The following CASP4 variants were observed in gnomAD, a reference collection of about 807,000 sequenced individuals.
The protein encoded by CASP4 is caspase 4.
Under a neutral mutation model 41.3 loss-of-function variants are expected in CASP4, and 29 were observed. That is an observed-to-expected ratio of 0.70 (90% confidence interval 0.52 to 0.96). CASP4 has a LOEUF of 0.96. Ranked by LOEUF, CASP4 falls within the 40% of genes least tolerant of loss-of-function variation. The pLI is 0.00. For missense variants in CASP4, 447 were observed against 460.6 expected (o/e 0.97, Z 0.27); for synonymous variants, 185 against 158.4 (o/e 1.17, Z -1.26).
rs5794358 is a variant in CASP4, at chr11:104,948,815, G to GAA, written c.782-140_782-139insTT. 3.7e-4 allele frequency: 191 copies of GAA among 514,136 alleles called. 13 individuals are homozygous for GAA. Among genetic ancestry groups the GAA allele is most frequent in the East Asian group, 6.7e-4 (22 of 32,968 alleles). The allele number at this position is 514,136 out of a possible 1,614,324, so 31.8% of individuals were successfully genotyped here. The stretch of plus-strand genomic sequence containing the variant: ...CCACACACATACAAACACACACAGA[G>GAA]AGAGACACACACACACACACACCAC... On this transcript the variant is annotated intron_variant, in intron 5 of 8. Transcript: ENST00000444739.
At chr11:104,959,195 G>C (rs2134652476) in intron 1 of CASP4, among the ~76,000 whole-genome samples, 1 of 152,072 alleles carries the variant, frequency 6.6e-6, no homozygotes, top group Non-Finnish European at 1.5e-5. Context: ...AATGTCTGTG[G>C]ACAGATTAAT....
At chr11:104,945,187 CT>C (rs1307859804) in intron 7 of CASP4, among the ~76,000 whole-genome samples, 12 of 152,036 alleles carry the variant, frequency 7.9e-5, no homozygotes, top group Non-Finnish European at 1.5e-4. Flanking sequence ...GGACTCTGTA[CT>C]TTCAACACTC....
chr11:104,960,295 T>C (rs1860829135), intron 1 of CASP4, among the ~76,000 whole-genome samples: 1 of 152,162 alleles, frequency 6.6e-6, no homozygotes, highest in Non-Finnish European at 1.5e-5. Flanking sequence ...TTCTGGTTTT[T>C]GAACTGTTCT....
intron 6 of CASP4, chr11:104,948,090 G>C (rs1166325468): frequency 1.3e-5 from 2 of 152,258 alleles, no homozygotes; most frequent in African/African-American, 4.8e-5. Flanking sequence ...ATACTAACCA[G>C]TGTTCCCTGA....
At chr11:104,961,400 C>G (rs113562330) in intron 1 of CASP4, among the ~76,000 whole-genome samples, 1,894 of 152,108 alleles carry the variant, frequency 0.012, 43 homozygotes, top group African/African-American at 0.043. Flanking sequence ...GTCTGTAGCC[C>G]CATTGCAGGG....
intron 8 of CASP4, chr11:104,943,266 C>A: frequency 3.9e-6 from 1 of 258,152 alleles, no homozygotes; most frequent in Non-Finnish European, 7.6e-6. Context: ...CTTCTCACTG[C>A]TTCTCCTAAT....
At chr11:104,945,857 C>CT (rs1227251037) in intron 7 of CASP4, among the ~76,000 whole-genome samples, 1 of 150,228 alleles carries the variant, frequency 6.7e-6, no homozygotes, top group Non-Finnish European at 1.5e-5. Flanking sequence ...CTTTCTTTTT[C>CT]TTTTTTTAAG....
intron 2 of CASP4, 104 bp from the exon 3 acceptor site, chr11:104,952,109 T>A (rs868521401): frequency 1.5e-6 from 1 of 680,436 alleles, no homozygotes; most frequent in Middle Eastern, 3.6e-4. Flanking sequence ...TTTCTTCACA[T>A]ATAGGGGTTT....
At chr11:104,964,157 G>A (rs1195042798) in intron 1 of CASP4, among the ~76,000 whole-genome samples, 1 of 152,116 alleles carries the variant, frequency 6.6e-6, no homozygotes, top group African/African-American at 2.4e-5. Context: ...ATAGACTTTT[G>A]TCATCCACAG....
chr11:104,963,160 A>G (rs2134658384), intron 1 of CASP4, among the ~76,000 whole-genome samples: 1 of 152,334 alleles, frequency 6.6e-6, no homozygotes, highest in South Asian at 2.1e-4. Context: ...CAAGTTATGG[A>G]TACATTTAAA....
chr11:104,959,658 A>G (rs1860814594), intron 1 of CASP4, among the ~76,000 whole-genome samples: 1 of 152,218 alleles, frequency 6.6e-6, no homozygotes, highest in Non-Finnish European at 1.5e-5. Context: ...ACTTACAAAG[A>G]TGAACTGTTC....
Position 104,951,041 on chromosome 11 carries a change from T to C in CASP4, c.430A>G (p.Thr144Ala), listed in dbSNP as rs1860599793. ...CTCGGAGGCAGATGGTCAAACTCTG[T>C]ATTGCATATGATGAGAGCCAGGCGT... ...RTRLALIICNTEFDHLPPRNG... is the reference protein window; with the variant it reads ...RTRLALIICNAEFDHLPPRNG... The change falls in exon 4 of 9, where the codon ACA becomes GCA. Residue 144 changes from threonine (T) to alanine (A), a missense_variant. By Grantham distance (58) the Thr-to-Ala change is moderately conservative (BLOSUM62 0). Coordinates refer to ENST00000444739, the MANE Select transcript of CASP4 (RefSeq NM_001225.4). 6.2e-7 allele frequency: 1 copy of C among 1,613,396 alleles called. No individual in the cohort carries two copies. Among genetic ancestry groups the C allele is most frequent in the Non-Finnish European group, 8.5e-7 (1 of 1,179,590 alleles).
chr11:104,966,103 C>T (rs990008057), intron 1 of CASP4, among the ~76,000 whole-genome samples: 9 of 152,160 alleles, frequency 5.9e-5, no homozygotes, highest in Admixed American at 3.9e-4. Context: ...TAACACTACC[C>T]TCTCCAGAAC....
chr11:104,955,067 A>G (rs1860707612), intron 1 of CASP4, 66 bp from the exon 2 acceptor site: 2 of 1,460,312 alleles, frequency 1.4e-6, no homozygotes, highest in Non-Finnish European at 9.4e-7. Context: ...CTCACTTTAG[A>G]TATAGTTCTA....
At chr11:104,960,272 C>T (rs566342436) in intron 1 of CASP4, among the ~76,000 whole-genome samples, 10 of 152,182 alleles carry the variant, frequency 6.6e-5, no homozygotes, top group Admixed American at 2.0e-4. Context: ...TCAGCACCCC[C>T]GCTTCTAATT....
intron 3 of CASP4, 169 bp downstream of exon 3, chr11:104,951,727 G>T (rs914859404): frequency 3.6e-5 from 24 of 667,394 alleles, no homozygotes; most frequent in African/African-American, 3.4e-4. Context: ...GATTGAGAAA[G>T]GATTGGTATC....
intron 2 of CASP4, 23 bp downstream of exon 2, chr11:104,954,724 C>A (rs1225377230): frequency 6.2e-7 from 1 of 1,607,226 alleles, no homozygotes; most frequent in East Asian, 2.2e-5. Context: ...TTGAGACATT[C>A]ATTGTAAAAA....
At chr11:104,946,497 A>G (rs976476502) in intron 7 of CASP4, 1 of 152,210 alleles carries the variant, frequency 6.6e-6, no homozygotes, top group Non-Finnish European at 1.5e-5. Context: ...GAAAAATAAC[A>G]TAGGAAGTAG....
At chr11:104,947,251 A>AT (rs1334339910) in intron 6 of CASP4, 59 bp from the exon 7 acceptor site, 47 of 1,062,976 alleles carry the variant, frequency 4.4e-5, no homozygotes, top group Non-Finnish European at 6.4e-5. Flanking sequence ...TTTTGTTCAT[A>AT]TTTTTGTTTT....
Sources: allele counts gnomAD v4.1 joint callset (sites outside exome capture counted in the v4.1 genomes callset), GRCh38; gene constraint gnomAD v4.1.1; transcripts MANE v1.5; gene names NCBI Gene and HGNC (gene_info 2026-07-23, HGNC 2026-07-21).